Variants in MPZL3 observed in about 807,000 individuals in gnomAD.
MPZL3 encodes myelin protein zero-like protein 3.
Under a neutral mutation model 24.8 loss-of-function variants are expected in MPZL3, and 23 were observed. The ratio of observed to expected loss-of-function variants is 0.93; its 90% confidence interval spans 0.67 to 1.31. MPZL3 has a LOEUF of 1.31. Among genes scored for constraint, MPZL3 ranks in the 40% most tolerant of loss-of-function variants. MPZL3 has a pLI of 0.00. For missense variants in MPZL3, 277 were observed against 294.9 expected (o/e 0.94, Z 0.44); for synonymous variants, 99 against 106.5 (o/e 0.93, Z 0.44).
At chr11:118,248,472 C>T (rs1715445) in intron 1 of MPZL3, among the ~76,000 whole-genome samples, 118,599 of 152,088 alleles carry the variant, frequency 0.78, 46,815 homozygotes, top group African/African-American at 0.9. Flanking sequence ...ACCAATTTTT[C>T]CCTTGTTAAT....
Position 118,228,445 on chromosome 11 carries a change from A to G in MPZL3, c.*1449T>C, listed in dbSNP as rs1391187283. ...CACTATTACAGAAGACTATTTATAT[A>G]TGCACCATCCATCTTTACTGATATA... On this transcript the variant is annotated 3_prime_UTR_variant, in exon 6 of 6. Transcript: ENST00000278949. 6.6e-6 allele frequency: 1 copy of G among 152,232 alleles called. No homozygotes were observed. The highest frequency in any genetic ancestry group is 1.5e-5 in the Non-Finnish European group (1 of 68,038). 9.4% of individuals were successfully genotyped at this position (152,232 alleles called of 1,614,324 possible).
Position 118,237,215 on chromosome 11 carries a change from A to T in MPZL3, c.286T>A (p.Phe96Ile). ...SFQYPTTAGT[F>I]RDRISWVGNV... ...CCAACCCAGGAAATCCGATCCCGAA[A>T]TGTGCCTGCTGTGGTTGGGTACTGG... The change falls in exon 3 of 6, where the codon TTT becomes ATT. Residue 96 changes from phenylalanine to isoleucine, a missense_variant. Transcript: ENST00000278949. 1 of 1,614,140 alleles carries T rather than the reference A, an allele frequency of 6.2e-7. No homozygotes were observed. Among genetic ancestry groups the T allele is most frequent in the East Asian group, 2.2e-5 (1 of 44,888 alleles).
At chr11:118,239,743 G>A (rs1949469927) in intron 2 of MPZL3, among the ~76,000 whole-genome samples, 1 of 152,164 alleles carries the variant, frequency 6.6e-6, no homozygotes, top group Non-Finnish European at 1.5e-5. Flanking sequence ...TATACACTGG[G>A]AGAAAGTGCC....
intron 4 of MPZL3, among the ~76,000 whole-genome samples, chr11:118,233,984 G>T (rs1463907055): frequency 6.6e-6 from 1 of 152,112 alleles, no homozygotes; most frequent in Non-Finnish European, 1.5e-5. Context: ...CAGAGTGAGT[G>T]AGACTCCCAT....
chr11:118,237,507 T>C (rs1949441946), intron 2 of MPZL3, among the ~76,000 whole-genome samples: 1 of 151,962 alleles, frequency 6.6e-6, no homozygotes, highest in South Asian at 2.1e-4. Context: ...CCTAAAATAA[T>C]AGTTCTCAAC....
intron 1 of MPZL3, among the ~76,000 whole-genome samples, chr11:118,251,121 AAGAG>A (rs141456931): frequency 4.9e-4 from 60 of 123,428 alleles, no homozygotes; most frequent in African/African-American, 1.6e-3. Flanking sequence ...GTGTGTGTGA[AAGAG>A]AGAGAGAGAG....
chr11:118,252,107 C>T (rs989885981), intron 1 of MPZL3, 115 bp downstream of exon 1: 4 of 1,003,346 alleles, frequency 4.0e-6, no homozygotes, highest in Non-Finnish European at 6.2e-6. Context: ...CTCCCTCCTT[C>T]CTTCCCAGAG....
rs534037312 is a variant in MPZL3 at position 118,238,842 on chromosome 11, G to A, written c.240+1369C>T. Among the ~76,000 whole-genome samples, 234 of 150,882 alleles carry A rather than the reference G, an allele frequency of 1.6e-3. 1 individual carries two copies. The highest frequency in any genetic ancestry group is 5.4e-3 in the African/African-American group (218 of 40,254). ...AATAAGTGTGTTGAACATTTCAAAGGGGGAGGTAAAGAATCCCTACCACTA... is the reference window on the plus strand; with the variant it reads ...AATAAGTGTGTTGAACATTTCAAAGAGGGAGGTAAAGAATCCCTACCACTA... On this transcript the variant is annotated intron_variant, in intron 2 of 5. Coordinates refer to ENST00000278949, the MANE Select transcript of MPZL3 (RefSeq NM_198275.3).
rs544416781 is a variant in MPZL3, at chr11:118,237,115, G to A, written c.386C>T (p.Ala129Val). 6.2e-7 allele frequency: 1 copy of A among 1,614,084 alleles called. No individual in the cohort carries two copies. The highest frequency in any genetic ancestry group is 8.5e-7 in the Non-Finnish European group (1 of 1,179,966). The change falls in exon 3 of 6, where the codon GCT becomes GTT. Residue 129 changes from alanine (A) to valine (V), a missense_variant. By Grantham distance (64) the Ala-to-Val change is moderately conservative. Coordinates refer to ENST00000278949, the MANE Select transcript of MPZL3 (RefSeq NM_198275.3). ...TIKDNGTFSC[A>V]VKNPPDVHHN... Reference sequence around the variant, plus strand: ...ATGCACATCTGGGGGATTCTTCACAGCACAGCTGAATGTCCCATTGTCCTT... The same window carrying A: ...ATGCACATCTGGGGGATTCTTCACAACACAGCTGAATGTCCCATTGTCCTT...
At chr11:118,229,988 T>C (rs747398128) in intron 5 of MPZL3, 68 bp from the exon 6 acceptor site, 57 of 1,346,838 alleles carry the variant, frequency 4.2e-5, no homozygotes, top group Non-Finnish European at 5.6e-5. Flanking sequence ...AGACCACATG[T>C]TAGGATCCTC....
intron 2 of MPZL3, among the ~76,000 whole-genome samples, chr11:118,238,755 C>T (rs957093092): frequency 2.0e-5 from 3 of 152,184 alleles, no homozygotes; most frequent in African/African-American, 4.8e-5. Flanking sequence ...GGGAGCCACG[C>T]AGGCATAGTC....
At chr11:118,236,652 C>T (rs199734739) in intron 3 of MPZL3, among the ~76,000 whole-genome samples, 1 of 152,110 alleles carries the variant, frequency 6.6e-6, no homozygotes, top group East Asian at 1.9e-4. Flanking sequence ...GAGGGGGTAC[C>T]CTTTCAAGAC....
intron 2 of MPZL3, 49 bp from the exon 3 acceptor site, chr11:118,237,309 G>A: frequency 6.5e-7 from 1 of 1,541,810 alleles, no homozygotes; most frequent in Non-Finnish European, 9.0e-7. Context: ...AAAATGCAAT[G>A]AAAATATAAA....
At position 118,233,459 on chromosome 11, in the gene MPZL3, C is replaced by A. The variant is rs369675909; in HGVS notation, c.681+1G>T. On this transcript the variant is annotated splice_donor_variant, in intron 5 of 5. Transcript: ENST00000278949. LOFTEE classifies it high-confidence loss of function. ...AAGCAGAAGGAATGGCATGCACTTA[C>A]CAGGCACTCAGCGCAACGGACACAA... The A allele has an allele frequency of 1.9e-6, 3 of 1,613,680 alleles. No individual in the cohort carries two copies. The South Asian group carries it at 3.3e-5, about 18-fold the overall frequency.
intron 5 of MPZL3, among the ~76,000 whole-genome samples, chr11:118,231,834 GGTCC>G (rs931215141): frequency 7.9e-5 from 12 of 151,952 alleles, no homozygotes; most frequent in African/African-American, 2.9e-4. Context: ...CCACCACCCT[GGTCC>G]AAACTACCAG....
chr11:118,250,168 A>ATTTTTTTTTTTTTTTTTTTTT (rs71041823), intron 1 of MPZL3, among the ~76,000 whole-genome samples: 2 of 104,260 alleles, frequency 1.9e-5, no homozygotes, highest in Non-Finnish European at 3.7e-5. Flanking sequence ...CACCTGGCTA[A>ATTTTTTTTTTTTTTTTTTTTT]TTTTTTTTTT....
chr11:118,244,816 C>T (rs1181775451), intron 1 of MPZL3, among the ~76,000 whole-genome samples: 1 of 152,218 alleles, frequency 6.6e-6, no homozygotes, highest in East Asian at 1.9e-4. Context: ...GTGGCTCACG[C>T]CTGTAATCCC....
Position 118,229,571 on chromosome 11 carries a change from G to A in MPZL3, c.*323C>T, listed in dbSNP as rs1949321703. 1 of 225,670 alleles carries A rather than the reference G, an allele frequency of 4.4e-6. No homozygotes were observed. The highest frequency in any genetic ancestry group is 5.7e-5 in the Admixed American group (1 of 17,448). 14.0% of individuals were successfully genotyped at this position (225,670 alleles called of 1,614,324 possible). A position where few individuals can be genotyped will look rare whatever the true frequency, so the allele number is the denominator to read the frequency against. ...AAAATTCTCCTTCAAACAGTTGGAA[G>A]AAAACATGTAATACATTCCAGAGCA... On this transcript the variant is annotated 3_prime_UTR_variant, in exon 6 of 6. Coordinates refer to ENST00000278949, the MANE Select transcript of MPZL3 (RefSeq NM_198275.3).
chr11:118,246,585 C>CTTTTTTTTTTTTTTT (rs71301655), intron 1 of MPZL3, among the ~76,000 whole-genome samples: 10 of 123,278 alleles, frequency 8.1e-5, no homozygotes, highest in Admixed American at 2.6e-4. Flanking sequence ...TTTTTCTTTT[C>CTTTTTTTTTTTTTTT]TTTTTTTTTT....
Sources: gnomAD v4.1 joint callset for allele counts (sites outside exome capture counted in the v4.1 genomes callset) on GRCh38, gnomAD v4.1.1 for gene constraint, MANE v1.5 for transcripts, NCBI Gene and HGNC (gene_info 2026-07-23, HGNC 2026-07-21) for gene names.